Variants in KCNT2 observed in about 807,000 individuals in gnomAD.
KCNT2 encodes the protein potassium sodium-activated channel subfamily T member 2, also known as potassium channel subfamily T member 2.
Under a neutral mutation model 153.8 loss-of-function variants are expected in KCNT2, and 67 were observed. The observed-to-expected ratio is 0.44, with a 90% CI of 0.36 to 0.53. KCNT2 has a LOEUF of 0.53. KCNT2 is among the 20% of genes least tolerant of loss of function. The pLI is 0.00. For synonymous variants in KCNT2, 500 were observed against 458.8 expected, an observed-to-expected ratio of 1.09 and a Z score of -1.15; for missense variants, 975 against 1,354.8, an observed-to-expected ratio of 0.72 and a Z score of 4.40.
chr1:196,238,232 T>A (rs771598661), intron 26 of KCNT2, among the ~76,000 whole-genome samples: 6 of 151,930 alleles, frequency 3.9e-5, no homozygotes, highest in Non-Finnish European at 7.4e-5. Flanking sequence ...TCAAGCCAAA[T>A]TCTATCGGTG....
rs553309048 is a variant in KCNT2 at position 196,379,217 on chromosome 1, AT to A, written c.1295-5970del. Among the ~76,000 whole-genome samples the A allele has an allele frequency of 1.1e-4, 16 of 152,122 alleles. No individual in the cohort carries two copies. The South Asian group carries it at 2.7e-3, about 26-fold the overall frequency. On this transcript the variant is annotated intron_variant, in intron 13 of 27. Coordinates refer to ENST00000294725, the MANE Select transcript of KCNT2 (RefSeq NM_198503.5). ...ACTCTTTATCAAATATAAATCTGTC[AT>A]TTTTTTTCCTTCTAGCTTCTAATTC...
chr1:196,290,255 T>G (rs759733233), intron 22 of KCNT2, among the ~76,000 whole-genome samples: 9 of 152,112 alleles, frequency 5.9e-5, no homozygotes, highest in Non-Finnish European at 1.2e-4. Context: ...TGAACTTTCT[T>G]ACAGTGTTTG....
chr1:196,527,476 G>T (rs1644331232), intron 1 of KCNT2, among the ~76,000 whole-genome samples: 1 of 152,098 alleles, frequency 6.6e-6, no homozygotes, highest in African/African-American at 2.4e-5. Context: ...GCAAAACAGG[G>T]TAACGTAAAA....
At chr1:196,282,472 C>T (rs1024219926) in intron 23 of KCNT2, 116 bp from the exon 24 acceptor site, 42 of 559,042 alleles carry the variant, frequency 7.5e-5, no homozygotes, top group Non-Finnish European at 1.2e-4. Context: ...TTTCTCATAT[C>T]ACATTTTTAA....
chr1:196,478,952 A>G (rs1226284147), intron 5 of KCNT2, among the ~76,000 whole-genome samples: 16 of 152,358 alleles, frequency 1.1e-4, no homozygotes, highest in South Asian at 2.1e-4. Context: ...ATATGCATGC[A>G]TATAATGGGT....
chr1:196,334,904 A>G (rs1335558525), intron 16 of KCNT2, among the ~76,000 whole-genome samples: 2 of 152,106 alleles, frequency 1.3e-5, no homozygotes, highest in Non-Finnish European at 2.9e-5. Flanking sequence ...CTGAAATACA[A>G]TAAGGAGCAC....
chr1:196,440,631 A>G lies in KCNT2; in HGVS notation c.639-10874T>C, dbSNP rs1039357797. ...ACTTGGGTAACTTTTATCTTTGTCT[A>G]TGATGTGGATTACACAGCCCTGGAG... On this transcript the variant is annotated intron_variant, in intron 8 of 27. Transcript: ENST00000294725. Among the ~76,000 whole-genome samples the G allele has an allele frequency of 1.4e-4, 21 of 152,042 alleles. 1 individual carries two copies. Among genetic ancestry groups the G allele is most frequent in the Admixed American group, 1.1e-3 (16 of 15,224 alleles).
intron 14 of KCNT2, among the ~76,000 whole-genome samples, chr1:196,346,080 T>C (rs1339072910): frequency 6.6e-6 from 1 of 152,028 alleles, no homozygotes; most frequent in Admixed American, 6.6e-5. Context: ...ATAATAATAT[T>C]CTTATACCTT....
chr1:196,423,059 C>A lies in KCNT2; in HGVS notation c.1176G>T (p.Arg392Ser). The change falls in exon 12 of 28, where the codon AGG (arginine) becomes AGT (serine). Residue 392 changes from arginine to serine, a missense_variant. Physicochemically the swap from Arg to Ser is moderately radical, Grantham distance 110. Coordinates refer to ENST00000294725, the MANE Select transcript of KCNT2 (RefSeq NM_198503.5). The stretch of plus-strand genomic sequence containing the variant: ...GATTTTAGAAACTTACAGATGATGT[C>A]CTATCCACTTCACAACGGCTACTGA... The part of the protein sequence containing the change: ...FILSSRCEVD[R>S]TSSDHQTILR... 1 of 1,595,360 alleles carries A rather than the reference C, an allele frequency of 6.3e-7. No individual in the cohort carries two copies. The highest frequency in any genetic ancestry group is 8.6e-7 in the Non-Finnish European group (1 of 1,167,432).
At chr1:196,466,171 A>G (rs1677598570) in intron 7 of KCNT2, among the ~76,000 whole-genome samples, 1 of 152,124 alleles carries the variant, frequency 6.6e-6, no homozygotes, top group Non-Finnish European at 1.5e-5. Flanking sequence ...TGTTTAATGT[A>G]TCCTGTCTTG....
At chr1:196,236,889 T>C (rs1480419506) in intron 26 of KCNT2, among the ~76,000 whole-genome samples, 1 of 151,568 alleles carries the variant, frequency 6.6e-6, no homozygotes, top group Non-Finnish European at 1.5e-5. Flanking sequence ...TATAAAGTTA[T>C]GTGGATGTAT....
At chr1:196,434,315 G>T (rs1674425660) in intron 8 of KCNT2, among the ~76,000 whole-genome samples, 1 of 151,986 alleles carries the variant, frequency 6.6e-6, no homozygotes, top group Non-Finnish European at 1.5e-5. Flanking sequence ...TATTTTTAAT[G>T]ATTCAAATAT....
At chr1:196,367,678 TG>T (rs1668159788) in intron 14 of KCNT2, among the ~76,000 whole-genome samples, 1 of 152,168 alleles carries the variant, frequency 6.6e-6, no homozygotes, top group South Asian at 2.1e-4. Context: ...TGTGACAAAA[TG>T]ACAGAAACTG....
At chr1:196,605,369 G>T (rs1002031449) in intron 1 of KCNT2, among the ~76,000 whole-genome samples, 2 of 152,216 alleles carry the variant, frequency 1.3e-5, no homozygotes, top group Non-Finnish European at 2.9e-5. Flanking sequence ...GTGGAGCTCA[G>T]TCCCTTTGGA....
At chr1:196,407,120 C>A (rs1178889194) in intron 12 of KCNT2, among the ~76,000 whole-genome samples, 3 of 151,434 alleles carry the variant, frequency 2.0e-5, no homozygotes, top group Non-Finnish European at 3.0e-5. Context: ...CTTAAATCCT[C>A]TCCCAGGTTT....
rs556004146 is a variant in KCNT2 at position 196,373,366 on chromosome 1, G to C, written c.1295-118C>G. 9.9e-5 allele frequency: 60 copies of C among 604,678 alleles called. No individual in the cohort carries two copies. In the Admixed American group the frequency reaches 1.2e-3, roughly 12 times the overall value. The allele number at this position is 604,678 out of a possible 1,614,324, so 37.5% of individuals were successfully genotyped here. On this transcript the variant is annotated intron_variant, in intron 13 of 27. Transcript: ENST00000294725. ...TCTCAATATAAACATACTTGTTTTA[G>C]AGATGTTTTTACAAGTGCAATTTTA...
chr1:196,249,884 C>A lies in KCNT2; in HGVS notation c.3211+8310G>T, dbSNP rs138680347. 2.2e-4 allele frequency among the ~76,000 whole-genome samples: 34 copies of A among 151,756 alleles called. No individual in the cohort carries two copies. The East Asian group carries it at 3.7e-3, about 16-fold the overall frequency. Reference sequence around the variant, plus strand: ...ACAAATAAAATTAAATACCTAGGAACTAACTTAAAGAAGTGAAAAAGCTCT... The same window carrying A: ...ACAAATAAAATTAAATACCTAGGAAATAACTTAAAGAAGTGAAAAAGCTCT... On this transcript the variant is annotated intron_variant, in intron 26 of 27. Coordinates refer to ENST00000294725, the MANE Select transcript of KCNT2 (RefSeq NM_198503.5).
At chr1:196,590,009 T>A (rs1572911438) in intron 1 of KCNT2, among the ~76,000 whole-genome samples, 2 of 152,134 alleles carry the variant, frequency 1.3e-5, no homozygotes, top group Admixed American at 6.6e-5. Flanking sequence ...ATATACATTA[T>A]ACAGGTTTTA....
chr1:196,575,783 G>T (rs1259384636), intron 1 of KCNT2, among the ~76,000 whole-genome samples: 1 of 151,644 alleles, frequency 6.6e-6, no homozygotes, highest in Non-Finnish European at 1.5e-5. Context: ...TTCCAGACCA[G>T]CCTGGCCAAC....
Sources: allele counts gnomAD v4.1 joint callset (sites outside exome capture counted in the v4.1 genomes callset), GRCh38; gene constraint gnomAD v4.1.1; transcripts MANE v1.5; gene names NCBI Gene and HGNC (gene_info 2026-07-23, HGNC 2026-07-21).